Variants in NGFR observed in about 807,000 individuals in gnomAD.
The protein encoded by NGFR is tumor necrosis factor receptor superfamily member 16.
NGFR carries 30 observed loss-of-function variants against 43.2 expected under a neutral mutation model. The ratio of observed to expected loss-of-function variants is 0.69; its 90% CI spans 0.52 to 0.94. The LOEUF (loss-of-function observed/expected upper bound fraction) is 0.94, where lower values mean the gene tolerates loss of function less well. NGFR is among the 40% of genes least tolerant of loss of function. The pLI, the probability that NGFR is intolerant of heterozygous loss-of-function variation, is 0.00. For missense variants in NGFR, 529 were observed against 602.5 expected, an observed-to-expected ratio of 0.88 and a Z score of 1.28; for synonymous variants, 246 against 259.6, an observed-to-expected ratio of 0.95 and a Z score of 0.50.
rs2071199051 is a variant in NGFR at position 49,506,509 on chromosome 17, A to G, written c.419A>G (p.Asp140Gly). The change falls in exon 3 of 6, where the codon GAC (aspartate) becomes GGC (glycine). Residue 140 changes from aspartate to glycine, a missense_variant. Coordinates refer to ENST00000172229, the MANE Select transcript of NGFR (RefSeq NM_002507.4). ...AGSGLVFSCQ[D>G]KQNTVCEECP... is the part of the protein sequence containing the mutation. ...TCGGGCCTCGTGTTCTCCTGCCAGGACAAGCAGAACACCGTGTGCGAGGAG... is the reference window on the plus strand; with the variant it reads ...TCGGGCCTCGTGTTCTCCTGCCAGGGCAAGCAGAACACCGTGTGCGAGGAG... The G allele has an allele frequency of 6.2e-7, 1 of 1,611,422 alleles. No homozygotes were observed. Among genetic ancestry groups the G allele is most frequent in the African/African-American group, 1.3e-5 (1 of 74,780 alleles).
intron 3 of NGFR, among the ~76,000 whole-genome samples, chr17:49,509,587 C>G (rs532083778): frequency 2.0e-5 from 3 of 152,274 alleles, no homozygotes; most frequent in African/African-American, 7.2e-5. Context: ...GTCACAGTCT[C>G]CCCCCGCCAG....
intron 1 of NGFR, among the ~76,000 whole-genome samples, chr17:49,500,122 AAG>A (rs1567737809): frequency 6.6e-6 from 1 of 151,678 alleles, no homozygotes; most frequent in East Asian, 1.9e-4. Context: ...AAAAGAACAA[AAG>A]AGTTTCCCTG....
chr17:49,508,605 A>G (rs1251881553), intron 3 of NGFR, among the ~76,000 whole-genome samples: 1 of 152,216 alleles, frequency 6.6e-6, no homozygotes, highest in East Asian at 1.9e-4. Context: ...CCCTCAGGGC[A>G]GAAGGGCTAC....
intron 2 of NGFR, among the ~76,000 whole-genome samples, chr17:49,504,849 G>A (rs1455951852): frequency 3.0e-5 from 4 of 133,792 alleles, no homozygotes; most frequent in Non-Finnish European, 6.1e-5. Context: ...TTGGCTCACT[G>A]TAACCTCTGC....
rs1204141399 is a variant in NGFR at position 49,514,453 on chromosome 17, G to C, written c.*1444G>C. On this transcript the variant is annotated 3_prime_UTR_variant, in exon 6 of 6. Coordinates refer to ENST00000172229, the MANE Select transcript of NGFR (RefSeq NM_002507.4). ...GACTGTTTTTTCCTGAGCTTGGCCA[G>C]AAGGGGGCCATGAGGCCTCAGTGGA... 2.0e-5 allele frequency: 3 copies of C among 152,364 alleles called. No homozygotes were observed. Among genetic ancestry groups the C allele is most frequent in the African/African-American group, 7.2e-5 (3 of 41,478 alleles). 9.4% of individuals were successfully genotyped at this position (152,364 alleles called of 1,614,324 possible).
intron 3 of NGFR, among the ~76,000 whole-genome samples, chr17:49,509,375 C>T (rs561113968): frequency 3.3e-5 from 5 of 152,230 alleles, no homozygotes; most frequent in African/African-American, 4.8e-5. Context: ...CTGCCCCAGG[C>T]GTGGGAAGTG....
chr17:49,512,941 C>A lies in NGFR; in HGVS notation c.1216C>A (p.Arg406Ser). Residue 406 changes from arginine to serine, a missense_variant, in exon 6 of 6, where the codon CGC (arginine) becomes AGC (serine). Arg to Ser is a moderately radical substitution (Grantham distance 110, BLOSUM62 -1). Transcript: ENST00000172229. The surrounding 1 kb of genome is among the most constrained non-coding windows in gnomAD (Gnocchi z 5.2). ...ACTGGACGCCCTCCTGGCCGCCCTG[C>A]GCCGCATCCAGCGAGCCGACCTCGT... ...ATLDALLAAL[R>S]RIQRADLVES... 1 of 1,610,502 alleles carries A rather than the reference C, an allele frequency of 6.2e-7. No homozygotes were observed. Among genetic ancestry groups the A allele is most frequent in the Admixed American group, 1.7e-5 (1 of 59,840 alleles).
At chr17:49,510,739 G>C (rs777757008) in intron 4 of NGFR, 75 bp downstream of exon 4, 18 of 1,562,582 alleles carry the variant, frequency 1.2e-5, no homozygotes, top group Non-Finnish European at 1.6e-5. Flanking sequence ...ACCTTGACCT[G>C]AAAACATACA....
chr17:49,512,108 C>A lies in NGFR; in HGVS notation c.982+56C>A. The A allele has an allele frequency of 6.3e-7, 1 of 1,579,116 alleles. No homozygotes were observed. Among genetic ancestry groups the A allele is most frequent in the Non-Finnish European group, 8.6e-7 (1 of 1,161,482 alleles). ...GGAGCTGAGGCTGAGGAAACAGAAGCAATTAAGATTAGACTCCAGGAAGGA... is the reference window on the plus strand; with the variant it reads ...GGAGCTGAGGCTGAGGAAACAGAAGAAATTAAGATTAGACTCCAGGAAGGA... On this transcript the variant is annotated intron_variant, in intron 5 of 5. Transcript: ENST00000172229. This position sits in a 1 kb window ranked among gnomAD's most constrained non-coding sequence, Gnocchi z 5.2.
At position 49,512,924 on chromosome 17, in the gene NGFR, C is replaced by A; in HGVS notation, c.1199C>A (p.Ala400Asp). The change falls in exon 6 of 6, where the codon GCC becomes GAC. Residue 400 changes from alanine to aspartate, a missense_variant. Ala to Asp is a moderately radical substitution (Grantham distance 126). Transcript: ENST00000172229. This position sits in a 1 kb window ranked among gnomAD's most constrained non-coding sequence, Gnocchi z 5.2. ...WATQDSATLDALLAALRRIQR... is the reference protein window; with the variant it reads ...WATQDSATLDDLLAALRRIQR... ...ACCCAGGACAGCGCCACACTGGACG[C>A]CCTCCTGGCCGCCCTGCGCCGCATC... 1 of 1,612,076 alleles carries A rather than the reference C, an allele frequency of 6.2e-7. No individual in the cohort carries two copies. The highest frequency in any genetic ancestry group is 1.1e-5 in the South Asian group (1 of 90,980).
At chr17:49,504,767 TTC>T (rs2071186527) in intron 2 of NGFR, among the ~76,000 whole-genome samples, 1 of 116,116 alleles carries the variant, frequency 8.6e-6, no homozygotes, top group Non-Finnish European at 1.7e-5. Context: ...CTTTCTTTCT[TTC>T]TTTTTTTTTT....
chr17:49,506,661 G>A lies in NGFR; in HGVS notation c.568+3G>A. 6.7e-7 allele frequency: 1 copy of A among 1,484,152 alleles called. No homozygotes were observed. The highest frequency in any genetic ancestry group is 2.5e-5 in the East Asian group (1 of 39,760). The allele number at this position is 1,484,152 out of a possible 1,614,324, so 91.9% of individuals were successfully genotyped here. On this transcript the variant is annotated splice_donor_region_variant and intron_variant, in intron 3 of 5. Coordinates refer to ENST00000172229, the MANE Select transcript of NGFR (RefSeq NM_002507.4). ...CTGGGCCGACGCCGAGTGCGAGGGT[G>A]AGTGCGGTTCGGGGGGCGGGGGGAG...
Position 49,512,144 on chromosome 17 carries a change from G to A in NGFR, c.982+92G>A. 2.0e-6 allele frequency: 3 copies of A among 1,467,274 alleles called. No homozygotes were observed. The highest frequency in any genetic ancestry group is 2.2e-5 in the Admixed American group (1 of 45,398). The allele number at this position is 1,467,274 out of a possible 1,614,324, so 90.9% of individuals were successfully genotyped here. A position where few individuals can be genotyped will look rare whatever the true frequency, so the allele number is the denominator to read the frequency against. Reference sequence around the variant, plus strand: ...AGACTCCAGGAAGGACTGTCGGGGGGGCGGCAGGGCTGGCTCAGCGGTGCC... The same window carrying A: ...AGACTCCAGGAAGGACTGTCGGGGGAGCGGCAGGGCTGGCTCAGCGGTGCC... On this transcript the variant is annotated intron_variant, in intron 5 of 5. Transcript: ENST00000172229. The surrounding 1 kb of genome is among the most constrained non-coding windows in gnomAD (Gnocchi z 5.2).
chr17:49,511,321 T>C (rs889349018), intron 4 of NGFR, among the ~76,000 whole-genome samples: 2 of 152,178 alleles, frequency 1.3e-5, no homozygotes, highest in Non-Finnish European at 2.9e-5. Context: ...AAACCTTTTA[T>C]AATTACATGT....
chr17:49,501,999 A>ATCCCCCCCCCCC, intron 1 of NGFR, 64 bp from the exon 2 acceptor site: 1 of 330,984 alleles, frequency 3.0e-6, no homozygotes, highest in Non-Finnish European at 5.9e-6. Flanking sequence ...TCCCCGGAAG[A>ATCCCCCCCCCCC]ACCCCCCCCA....
chr17:49,500,621 C>T (rs1366673295), intron 1 of NGFR, among the ~76,000 whole-genome samples: 4 of 152,194 alleles, frequency 2.6e-5, no homozygotes, highest in Admixed American at 6.5e-5. Flanking sequence ...TCAGAACAGG[C>T]CCTTCTGGAA....
Position 49,510,846 on chromosome 17 carries a change from G to T in NGFR, c.821+182G>T, listed in dbSNP as rs1048334333. On this transcript the variant is annotated intron_variant, in intron 4 of 5. Coordinates refer to ENST00000172229, the MANE Select transcript of NGFR (RefSeq NM_002507.4). ...AGGTCAGCAGGAGGTGAGGGGAGAG[G>T]ATCCACCTGTCCTGTCCTGTCCTCT... is the stretch of plus-strand genomic sequence containing the variant. The T allele has an allele frequency of 1.3e-5, 9 of 705,190 alleles. No individual in the cohort carries two copies. The Admixed American group carries it at 2.0e-4, about 16-fold the overall frequency. 43.7% of individuals were successfully genotyped at this position (705,190 alleles called of 1,614,324 possible).
intron 2 of NGFR, among the ~76,000 whole-genome samples, chr17:49,502,890 A>ACCTTTCTTT (rs1464229315): frequency 9.2e-6 from 1 of 108,336 alleles, no homozygotes; most frequent in African/African-American, 3.6e-5. Context: ...CTCTTTCTTT[A>ACCTTTCTTT]CCTTTCTTTC....
In NGFR at chr17:49,513,733, CCTT is replaced by C. The variant is rs1436108136; in HGVS notation, c.*727_*729del. 1.3e-5 allele frequency: 2 copies of C among 152,472 alleles called. No homozygotes were observed. Among genetic ancestry groups the C allele is most frequent in the Middle Eastern group, 3.4e-3 (1 of 294 alleles). The allele number at this position is 152,472 out of a possible 1,614,324, so 9.4% of individuals were successfully genotyped here. Reference sequence around the variant, plus strand: ...AGGGCGAGGGGAGGGTGGCAGGTGACCTTCTGGGAAATGGCTTGAAGCCAAGTC... The same window carrying C: ...AGGGCGAGGGGAGGGTGGCAGGTGACCTGGGAAATGGCTTGAAGCCAAGTC... On this transcript the variant is annotated 3_prime_UTR_variant, in exon 6 of 6. Coordinates refer to ENST00000172229, the MANE Select transcript of NGFR (RefSeq NM_002507.4).
Sources: gnomAD v4.1 joint callset for allele counts (sites outside exome capture counted in the v4.1 genomes callset) on GRCh38, gnomAD v4.1.1 for gene constraint, Gnocchi (gnomAD v3.1) non-coding constraint, MANE v1.5 for transcripts, NCBI Gene and HGNC (gene_info 2026-07-23, HGNC 2026-07-21) for gene names.